TSPAN9: variants seen among roughly 807,000 people sequenced by gnomAD.
TSPAN9 encodes tetraspanin 9.
TSPAN9 carries 16 observed loss-of-function variants against 31.0 expected under a neutral mutation model. That is an observed-to-expected ratio of 0.52 (90% confidence interval 0.35 to 0.78). The LOEUF (loss-of-function observed/expected upper bound fraction) is 0.78. TSPAN9 is among the 30% of genes least tolerant of loss of function. The pLI, the probability that TSPAN9 is intolerant of heterozygous loss-of-function variation, is 0.01. For missense variants in TSPAN9, 272 were observed against 312.5 expected (o/e 0.87, Z 0.98); for synonymous variants, 145 against 121.6 (o/e 1.19, Z -1.27).
intron 3 of TSPAN9, among the ~76,000 whole-genome samples, chr12:3,270,401 T>C (rs1263507515): frequency 6.6e-6 from 1 of 152,212 alleles, no homozygotes; most frequent in Non-Finnish European, 1.5e-5. Flanking sequence ...CCTTGCTATC[T>C]AGGCATCGCC....
chr12:3,277,830 C>G (rs1227935236), intron 3 of TSPAN9, among the ~76,000 whole-genome samples: 1 of 152,200 alleles, frequency 6.6e-6, no homozygotes, highest in Non-Finnish European at 1.5e-5. Context: ...TGGCCAGGCC[C>G]CCAGCCAGCC....
At chr12:3,179,166 A>G (rs1489175018) in intron 2 of TSPAN9, among the ~76,000 whole-genome samples, 2 of 152,158 alleles carry the variant, frequency 1.3e-5, no homozygotes, top group African/African-American at 4.8e-5. Context: ...TGGCAACCCC[A>G]CACTCATCAT....
intron 2 of TSPAN9, among the ~76,000 whole-genome samples, chr12:3,198,756 TCACCACCAGCACAGGC>T (rs1475953059): frequency 7.5e-5 from 2 of 26,694 alleles, no homozygotes; most frequent in East Asian, 1.2e-3. Context: ...CCAGCACAGC[TCACCACCAGCACAGGC>T]CACCACCAGC....
At chr12:3,130,033 G>A (rs1257352683) in intron 2 of TSPAN9, among the ~76,000 whole-genome samples, 1 of 152,212 alleles carries the variant, frequency 6.6e-6, no homozygotes, top group Non-Finnish European at 1.5e-5. Flanking sequence ...CGATGTGTGG[G>A]ACAAACTTGG....
At chr12:3,276,661 C>T (rs1364549052) in intron 3 of TSPAN9, among the ~76,000 whole-genome samples, 1 of 152,202 alleles carries the variant, frequency 6.6e-6, no homozygotes, top group Non-Finnish European at 1.5e-5. Flanking sequence ...CCTTATTTTT[C>T]TTCGTGGCGC....
intron 1 of TSPAN9, among the ~76,000 whole-genome samples, chr12:3,079,771 A>T (rs1261483714): frequency 1.7e-4 from 22 of 129,670 alleles, no homozygotes; most frequent in South Asian, 2.5e-4. Flanking sequence ...CCCTTCTTCT[A>T]TTTTTTTTTT....
At chr12:3,226,744 GTATATA>G (rs869054494) in intron 3 of TSPAN9, among the ~76,000 whole-genome samples, 2 of 2,856 alleles carry the variant, frequency 7.0e-4, no homozygotes, top group Non-Finnish European at 8.3e-4. Context: ...GTGTGTGTGT[GTATATA>G]TATATATATA....
rs1225177889 is a variant in TSPAN9 at position 3,224,361 on chromosome 12, A to G, written c.63+23105A>G. On this transcript the variant is annotated intron_variant, in intron 3 of 8. Transcript: ENST00000011898. ...CCCTCACGGGCTGGTGAAGTGGAGT[A>G]AGAGCCCTTGGAGATCTGTGGAGCG... 4.6e-5 allele frequency among the ~76,000 whole-genome samples: 7 copies of G among 152,340 alleles called. No individual in the cohort carries two copies. The East Asian group carries it at 1.3e-3, about 29-fold the overall frequency.
chr12:3,115,398 G>GC lies in TSPAN9; in HGVS notation c.-18+31681dup, dbSNP rs1269999909. 3.9e-5 allele frequency among the ~76,000 whole-genome samples: 6 copies of GC among 152,272 alleles called. No homozygotes were observed. In the East Asian group the frequency reaches 1.2e-3, roughly 29 times the overall value. The stretch of plus-strand genomic sequence containing the variant: ...CATAATGTGGCTGTGAAGTTCATGT[G>GC]CCATGCTTTTGTGTGGCCATATGTT... On this transcript the variant is annotated intron_variant, in intron 2 of 8. Transcript: ENST00000011898.
intron 3 of TSPAN9, among the ~76,000 whole-genome samples, chr12:3,244,921 T>C (rs938721990): frequency 6.6e-6 from 1 of 152,196 alleles, no homozygotes; most frequent in African/African-American, 2.4e-5. Context: ...AGTATTGTGC[T>C]GTGGTAGTTT....
chr12:3,098,566 A>T (rs2098310273), intron 2 of TSPAN9, among the ~76,000 whole-genome samples: 1 of 152,196 alleles, frequency 6.6e-6, no homozygotes, highest in Non-Finnish European at 1.5e-5. Flanking sequence ...GGGGACTGAC[A>T]TCTGCTCCCA....
rs74054947 is a variant in TSPAN9 at position 3,259,492 on chromosome 12, T to G, written c.64-18929T>G. On this transcript the variant is annotated intron_variant, in intron 3 of 8. Transcript: ENST00000011898. ...CACAGTGCATCACCGTAGGGGTGCA[T>G]GAGGAGCAAGTCAGGATCTCTCCTG... 2.2e-3 allele frequency among the ~76,000 whole-genome samples: 342 copies of G among 152,310 alleles called. 1 individual carries two copies. Among genetic ancestry groups the G allele is most frequent in the African/African-American group, 8.0e-3 (331 of 41,572 alleles).
At chr12:3,140,238 T>C (rs919628161) in intron 2 of TSPAN9, among the ~76,000 whole-genome samples, 4 of 152,128 alleles carry the variant, frequency 2.6e-5, no homozygotes, top group African/African-American at 9.7e-5. Context: ...ACATTTTATG[T>C]TGTTTAGTGT....
At chr12:3,191,758 G>T (rs958555113) in intron 2 of TSPAN9, among the ~76,000 whole-genome samples, 3 of 152,226 alleles carry the variant, frequency 2.0e-5, no homozygotes, top group Admixed American at 6.5e-5. Context: ...GACATAGGCA[G>T]TCTCTGCCTT....
chr12:3,176,226 G>A (rs2098355502), intron 2 of TSPAN9, among the ~76,000 whole-genome samples: 1 of 152,348 alleles, frequency 6.6e-6, no homozygotes, highest in African/African-American at 2.4e-5. Context: ...CGAGCCTTAC[G>A]GAGCAGTGTG....
At chr12:3,112,675 G>GTTTT (rs2098319685) in intron 2 of TSPAN9, among the ~76,000 whole-genome samples, 2 of 93,278 alleles carry the variant, frequency 2.1e-5, no homozygotes, top group South Asian at 3.4e-4. Context: ...ATTTATTTTT[G>GTTTT]CTTTTTTTTT....
At chr12:3,218,062 G>A (rs1221744544) in intron 3 of TSPAN9, among the ~76,000 whole-genome samples, 1 of 152,116 alleles carries the variant, frequency 6.6e-6, no homozygotes, top group African/African-American at 2.4e-5. Context: ...ATACCCTCTG[G>A]GGTGGCATAG....
intron 3 of TSPAN9, among the ~76,000 whole-genome samples, chr12:3,243,489 A>G (rs772483100): frequency 5.3e-5 from 8 of 152,244 alleles, no homozygotes; most frequent in Non-Finnish European, 8.8e-5. Context: ...CACTCTTCCC[A>G]TCAGGCTGCA....
rs1026253460 is a variant in TSPAN9 at position 3,168,999 on chromosome 12, G to A, written c.-17-32178G>A. Among the ~76,000 whole-genome samples the A allele has an allele frequency of 2.6e-5, 4 of 152,148 alleles. No individual in the cohort carries two copies. Among genetic ancestry groups the A allele is most frequent in the Non-Finnish European group, 5.9e-5 (4 of 68,024 alleles). ...GAAGTGTGTGTACGCTTCTCTTTTC[G>A]TCATTTCTCTCCTCATTCCAGACCC... On this transcript the variant is annotated intron_variant, in intron 2 of 8. Transcript: ENST00000011898. This position sits in a 1 kb window ranked among gnomAD's most constrained non-coding sequence, Gnocchi z 4.0.
Sources: allele counts gnomAD v4.1 joint callset (sites outside exome capture counted in the v4.1 genomes callset), GRCh38; gene constraint gnomAD v4.1.1; non-coding constraint Gnocchi (gnomAD v3.1); transcripts MANE v1.5; gene names NCBI Gene and HGNC (gene_info 2026-07-23, HGNC 2026-07-21).